The following COLEC12 variants were observed in gnomAD, a reference collection of about 807,000 sequenced individuals.
COLEC12 encodes the protein collectin subfamily member 12, also known as collectin-12.
In COLEC12, 33 loss-of-function variants were observed where a neutral mutation model predicts 71.1. That is an observed-to-expected ratio of 0.46 (90% CI 0.35 to 0.62). The LOEUF (loss-of-function observed/expected upper bound fraction) is 0.62, where lower values mean the gene tolerates loss of function less well. COLEC12 is among the 20% of genes least tolerant of loss of function. The probability of loss-of-function intolerance (pLI) is 0.00; values close to 1 mark genes in which losing one functional copy is unlikely to be tolerated. For synonymous variants in COLEC12, 350 were observed against 353.0 expected (o/e 0.99, Z 0.10); for missense variants, 765 against 916.1 (o/e 0.84, Z 2.13).
chr18:357,300 A>G (rs1914648346), intron 3 of COLEC12, 100 bp downstream of exon 3: 1 of 1,137,042 alleles, frequency 8.8e-7, no homozygotes, highest in Non-Finnish European at 1.3e-6. Context: ...TCTGAGTTGT[A>G]TGAATGAAAT....
intron 2 of COLEC12, among the ~76,000 whole-genome samples, chr18:418,583 G>A (rs1824993): frequency 0.58 from 87,588 of 151,986 alleles, 26,380 homozygotes; most frequent in South Asian, 0.66. Context: ...TACAGGTCAT[G>A]AAGACCTTGC....
At chr18:321,612 T>C (rs1459651924) in intron 9 of COLEC12, 50 bp downstream of exon 9, 2 of 1,609,586 alleles carry the variant, frequency 1.2e-6, no homozygotes, top group Admixed American at 1.7e-5. Context: ...CCTCACCCTT[T>C]CATAGGACAT....
intron 3 of COLEC12, among the ~76,000 whole-genome samples, chr18:356,133 T>C (rs1389270282): frequency 6.6e-6 from 1 of 152,218 alleles, no homozygotes; most frequent in Non-Finnish European, 1.5e-5. Flanking sequence ...TAGTGCTGTG[T>C]AATGTGGCTA....
chr18:429,097 T>A (rs886545474), intron 2 of COLEC12, among the ~76,000 whole-genome samples: 1 of 152,154 alleles, frequency 6.6e-6, no homozygotes, highest in Non-Finnish European at 1.5e-5. Flanking sequence ...TTCCTAAACA[T>A]TAAGAAGGAA....
chr18:464,119 T>C (rs1235412241), intron 2 of COLEC12, among the ~76,000 whole-genome samples: 1 of 152,196 alleles, frequency 6.6e-6, no homozygotes, highest in Non-Finnish European at 1.5e-5. Flanking sequence ...CTCCTTTTCC[T>C]TTCCCAATTT....
chr18:339,816 AT>A (rs996933344), intron 5 of COLEC12, among the ~76,000 whole-genome samples: 1 of 151,994 alleles, frequency 6.6e-6, no homozygotes, highest in Non-Finnish European at 1.5e-5. Context: ...AATTTCCTGG[AT>A]TTTTTTTCCT....
At chr18:499,952 A>T (rs941139265) in intron 1 of COLEC12, among the ~76,000 whole-genome samples, 1 of 152,220 alleles carries the variant, frequency 6.6e-6, no homozygotes, top group African/African-American at 2.4e-5. Flanking sequence ...TGATGGAGAA[A>T]GATGCCAAAT....
At chr18:332,764 G>A (rs998285305) in intron 7 of COLEC12, among the ~76,000 whole-genome samples, 3 of 152,190 alleles carry the variant, frequency 2.0e-5, no homozygotes, top group African/African-American at 7.2e-5. Context: ...ACAGCCACCA[G>A]AAGGAGCCAC....
At chr18:420,236 A>G (rs1422818221) in intron 2 of COLEC12, among the ~76,000 whole-genome samples, 2 of 152,194 alleles carry the variant, frequency 1.3e-5, no homozygotes, top group Admixed American at 6.5e-5. Flanking sequence ...GATAACTGGA[A>G]AATCATCCAA....
At chr18:391,741 T>C (rs1228402973) in intron 2 of COLEC12, among the ~76,000 whole-genome samples, 1 of 152,212 alleles carries the variant, frequency 6.6e-6, no homozygotes, top group Non-Finnish European at 1.5e-5. Flanking sequence ...ATTTTTTAGA[T>C]GTTTAATGAA....
intron 5 of COLEC12, among the ~76,000 whole-genome samples, chr18:339,565 A>G (rs1396824290): frequency 6.6e-6 from 1 of 152,204 alleles, no homozygotes; most frequent in Non-Finnish European, 1.5e-5. Context: ...TACTACATCT[A>G]TCCTAAATAG....
chr18:452,153 T>C (rs759961913), intron 2 of COLEC12, among the ~76,000 whole-genome samples: 8 of 152,210 alleles, frequency 5.3e-5, no homozygotes, highest in African/African-American at 4.8e-5. Context: ...ATAAATTTCA[T>C]TGGCATCAAT....
chr18:458,998 C>T (rs1254327660), intron 2 of COLEC12, among the ~76,000 whole-genome samples: 3 of 152,202 alleles, frequency 2.0e-5, no homozygotes, highest in Non-Finnish European at 4.4e-5. Context: ...CCATTCCAGG[C>T]TAATTTTTTT....
At chr18:392,515 G>A (rs140750772) in intron 2 of COLEC12, among the ~76,000 whole-genome samples, 1 of 152,192 alleles carries the variant, frequency 6.6e-6, no homozygotes. Context: ...GTAGGATTTG[G>A]TATTTGGCGA....
intron 1 of COLEC12, among the ~76,000 whole-genome samples, chr18:494,483 T>G (rs997226953): frequency 1.3e-5 from 2 of 152,182 alleles, no homozygotes; most frequent in Admixed American, 1.3e-4. Context: ...CCTCATCACA[T>G]TGATAAAGAA....
chr18:424,330 T>C (rs1916156699), intron 2 of COLEC12: 1 of 152,162 alleles, frequency 6.6e-6, no homozygotes, highest in Non-Finnish European at 1.5e-5. Flanking sequence ...CACTAAGCAG[T>C]ATATAATTTA....
rs1315036568 is a variant in COLEC12 at position 347,361 on chromosome 18, T to C, written c.281-20A>G. On this transcript the variant is annotated intron_variant, in intron 4 of 9. Coordinates refer to ENST00000400256, the MANE Select transcript of COLEC12 (RefSeq NM_130386.3). ...GGTCACCTGGAATAAGAAATATCTG[T>C]GACTTATATTGGTGGTATGGAGAAG... 2 of 1,594,654 alleles carry C rather than the reference T, an allele frequency of 1.3e-6. No individual in the cohort carries two copies. Among genetic ancestry groups the C allele is most frequent in the East Asian group, 4.5e-5 (2 of 44,710 alleles).
intron 2 of COLEC12, among the ~76,000 whole-genome samples, chr18:452,096 C>T (rs2143715468): frequency 6.6e-6 from 1 of 152,280 alleles, no homozygotes; most frequent in East Asian, 1.9e-4. Flanking sequence ...TTTAAATGCC[C>T]AACTATGCGT....
At chr18:469,102 T>C (rs977486866) in intron 2 of COLEC12, among the ~76,000 whole-genome samples, 1 of 152,216 alleles carries the variant, frequency 6.6e-6, no homozygotes, top group African/African-American at 2.4e-5. Context: ...ATCCCCAACC[T>C]TTTCTGCAGG....
Sources: gnomAD v4.1 joint callset for allele counts (sites outside exome capture counted in the v4.1 genomes callset) on GRCh38, gnomAD v4.1.1 for gene constraint, MANE v1.5 for transcripts, NCBI Gene and HGNC (gene_info 2026-07-23, HGNC 2026-07-21) for gene names.